Variants in BLTP1 observed in about 807,000 individuals in gnomAD.
BLTP1 encodes bridge-like lipid transfer protein family member 1.
At chr4:122,271,571 C>T in the BLTP1 span, 1 of 1,613,440 alleles carries the variant, frequency 6.2e-7, no homozygotes, top group African/African-American at 1.3e-5. Context: ...CATGACTATT[C>T]ATATGGATGA....
At chr4:122,199,923 G>A in the BLTP1 span, 8 of 978,510 alleles carry the variant, frequency 8.2e-6, no homozygotes, top group African/African-American at 1.4e-4. Context: ...GAAACAATAT[G>A]TAAATGCCCA....
the BLTP1 span, chr4:122,200,128 A>G: frequency 1.0e-5 from 9 of 902,602 alleles, no homozygotes; most frequent in Non-Finnish European, 1.2e-5. Context: ...TATGTAAATT[A>G]AGAGAAAAAT....
the BLTP1 span, chr4:122,344,386 T>A: frequency 1.2e-6 from 2 of 1,613,654 alleles, no homozygotes; most frequent in Non-Finnish European, 1.7e-6. Context: ...TTAAAGGGAA[T>A]GTGGATGAGG....
At chr4:122,173,754 T>G in the BLTP1 span, among the ~76,000 whole-genome samples, 2 of 152,202 alleles carry the variant, frequency 1.3e-5, no homozygotes, top group Non-Finnish European at 1.5e-5. Flanking sequence ...ACCCCATTAT[T>G]TATTACTTCT....
At chr4:122,299,836 G>C in the BLTP1 span, 1 of 984,908 alleles carries the variant, frequency 1.0e-6, no homozygotes, top group Non-Finnish European at 1.2e-6. Flanking sequence ...AGGAGGCAGA[G>C]AGAAGTACTT....
the BLTP1 span, chr4:122,307,913 T>C: frequency 3.8e-6 from 6 of 1,597,912 alleles, no homozygotes; most frequent in African/African-American, 8.1e-5. Flanking sequence ...AGTGTTGATT[T>C]TAATTTTCTT....
At chr4:122,206,691 G>A in the BLTP1 span, among the ~76,000 whole-genome samples, 90 of 151,750 alleles carry the variant, frequency 5.9e-4, 4 homozygotes, top group Admixed American at 5.5e-3. Flanking sequence ...TTATGTAAAC[G>A]TGTGAAATAA....
chr4:122,214,176 T>G, the BLTP1 span: 1 of 953,202 alleles, frequency 1.0e-6, no homozygotes, highest in Admixed American at 6.2e-5. Context: ...TTTTTCTGTT[T>G]TGAGAAATGA....
chr4:122,198,340 A>G, the BLTP1 span: 1 of 985,352 alleles, frequency 1.0e-6, no homozygotes, highest in Non-Finnish European at 1.2e-6. Context: ...GCAGTTCGAA[A>G]GAAGCATCTT....
chr4:122,336,607 C>T, the BLTP1 span: 1 of 971,032 alleles, frequency 1.0e-6, no homozygotes, highest in Non-Finnish European at 1.2e-6. Context: ...GTTCTACATC[C>T]TTAGTGTGTC....
chr4:122,269,484 G>C, the BLTP1 span: 4 of 985,130 alleles, frequency 4.1e-6, no homozygotes, highest in Non-Finnish European at 4.8e-6. Flanking sequence ...CGCCAGCTCC[G>C]ATGCTCCACA....
At chr4:122,254,866 C>A in the BLTP1 span, 3 of 1,613,576 alleles carry the variant, frequency 1.9e-6, no homozygotes, top group East Asian at 4.5e-5. Flanking sequence ...TCCCATTGAC[C>A]AACTCAAGTC....
the BLTP1 span, chr4:122,224,712 T>G: frequency 6.2e-7 from 1 of 1,613,814 alleles, no homozygotes; most frequent in South Asian, 1.1e-5. Context: ...CTGACTTATT[T>G]TCTTTTTCCT....
chr4:122,352,926 A>G, the BLTP1 span: 1 of 1,613,984 alleles, frequency 6.2e-7, no homozygotes, highest in Non-Finnish European at 8.5e-7. Context: ...CACATCATCG[A>G]CACTGGCCTG....
the BLTP1 span, chr4:122,174,720 TATG>T: frequency 8.3e-7 from 1 of 1,198,138 alleles, no homozygotes; most frequent in Non-Finnish European, 1.2e-6. Flanking sequence ...TAAAATGTTT[TATG>T]ATATTTTATT....
chr4:122,241,372 C>G, the BLTP1 span, among the ~76,000 whole-genome samples: 5 of 152,264 alleles, frequency 3.3e-5, no homozygotes, highest in South Asian at 1.0e-3. Context: ...ACCATGGCAT[C>G]AGGAGTTTGA....
the BLTP1 span, among the ~76,000 whole-genome samples, chr4:122,196,077 C>T: frequency 6.6e-6 from 1 of 152,108 alleles, no homozygotes; most frequent in African/African-American, 2.4e-5. Context: ...TACCTATTTA[C>T]CTTTTAGAAA....
chr4:122,239,539 A>G, the BLTP1 span: 1 of 1,586,904 alleles, frequency 6.3e-7, no homozygotes, highest in Non-Finnish European at 8.6e-7. Context: ...ATTTCAGGAA[A>G]CAGCCCTGTG....
At chr4:122,328,202 T>C in the BLTP1 span, 1 of 1,611,412 alleles carries the variant, frequency 6.2e-7, no homozygotes, top group Admixed American at 1.7e-5. Context: ...TGTTCAGTTC[T>C]CCCAAAACTC....
Sources: gnomAD v4.1 joint callset for allele counts (sites outside exome capture counted in the v4.1 genomes callset) on GRCh38, gnomAD v4.1.1 for gene constraint, MANE v1.5 for transcripts, NCBI Gene and HGNC (gene_info 2026-07-23, HGNC 2026-07-21) for gene names.